CDH12: variants seen among roughly 807,000 people sequenced by gnomAD.
The protein encoded by CDH12 is cadherin-12.
In CDH12, 41 loss-of-function variants were observed where a neutral mutation model predicts 74.1. The ratio of observed to expected loss-of-function variants is 0.55; its 90% CI spans 0.43 to 0.72. The LOEUF is 0.72. Among genes scored for constraint, CDH12 ranks in the 30% least tolerant of loss-of-function variants. The pLI, the probability that CDH12 is intolerant of heterozygous loss-of-function variation, is 0.00. For missense variants in CDH12, 945 were observed against 977.2 expected (o/e 0.97, Z 0.44); for synonymous variants, 399 against 355.0 (o/e 1.12, Z -1.39).
intron 1 of CDH12, among the ~76,000 whole-genome samples, chr5:22,797,183 TA>T (rs58951425): frequency 0.047 from 4,033 of 86,250 alleles, 147 homozygotes; most frequent in African/African-American, 0.13. Context: ...AGTGCCTTTA[TA>T]AAAAAAAAAA....
intron 1 of CDH12, among the ~76,000 whole-genome samples, chr5:22,738,521 G>A (rs1744858966): frequency 6.6e-6 from 1 of 151,964 alleles, no homozygotes; most frequent in African/African-American, 2.4e-5. Flanking sequence ...TTGTATACAG[G>A]AGAAAATTCA....
At chr5:22,177,592 G>T (rs1055113158) in intron 4 of CDH12, among the ~76,000 whole-genome samples, 1 of 152,012 alleles carries the variant, frequency 6.6e-6, no homozygotes, top group African/African-American at 2.4e-5. Context: ...CTTTGAAACT[G>T]ATTAAAGCTG....
intron 3 of CDH12, among the ~76,000 whole-genome samples, chr5:22,235,840 C>T (rs1295932976): frequency 6.6e-6 from 1 of 152,160 alleles, no homozygotes; most frequent in Non-Finnish European, 1.5e-5. Context: ...TAGGCAATTT[C>T]TTCATTGGGT....
rs1248889628 is a variant in CDH12, at chr5:22,005,497, C to T, written c.232-30112G>A. On this transcript the variant is annotated intron_variant, in intron 5 of 14. Transcript: ENST00000382254. Reference sequence around the variant, plus strand: ...CCTTTTCCTTTGTGTAGATATACAGCAGTGGGTCAATCCCATTTTAAAATG... The same window carrying T: ...CCTTTTCCTTTGTGTAGATATACAGTAGTGGGTCAATCCCATTTTAAAATG... Among the ~76,000 whole-genome samples, 6 of 151,350 alleles carry T rather than the reference C, an allele frequency of 4.0e-5. 1 individual carries two copies. The highest frequency in any genetic ancestry group is 7.4e-5 in the Non-Finnish European group (5 of 67,872).
At chr5:22,307,623 A>T (rs924549407) in intron 3 of CDH12, among the ~76,000 whole-genome samples, 3 of 152,116 alleles carry the variant, frequency 2.0e-5, no homozygotes, top group African/African-American at 7.2e-5. Flanking sequence ...AATAATTCTA[A>T]TTTTATACCA....
chr5:21,935,412 C>T (rs1167381699), intron 6 of CDH12, among the ~76,000 whole-genome samples: 3 of 152,174 alleles, frequency 2.0e-5, no homozygotes, highest in Non-Finnish European at 2.9e-5. Context: ...CTTGTCTAAA[C>T]TAATGCACTT....
intron 3 of CDH12, among the ~76,000 whole-genome samples, chr5:22,366,149 G>T (rs578061333): frequency 1.3e-5 from 2 of 152,092 alleles, no homozygotes; most frequent in Admixed American, 6.6e-5. Flanking sequence ...AGTAGAGATG[G>T]GTTTTCACTG....
chr5:22,547,498 C>G (rs932033860), intron 1 of CDH12, among the ~76,000 whole-genome samples: 1 of 152,058 alleles, frequency 6.6e-6, no homozygotes, highest in Non-Finnish European at 1.5e-5. Context: ...CTAAACTATA[C>G]CATTTTCCTG....
intron 6 of CDH12, among the ~76,000 whole-genome samples, chr5:21,950,128 T>G (rs1343170082): frequency 6.6e-6 from 1 of 151,938 alleles, no homozygotes; most frequent in Non-Finnish European, 1.5e-5. Flanking sequence ...TTTACCATTG[T>G]GTTGCAAATG....
intron 1 of CDH12, among the ~76,000 whole-genome samples, chr5:22,643,104 G>T (rs564053890): frequency 1.3e-5 from 2 of 152,150 alleles, no homozygotes; most frequent in African/African-American, 4.8e-5. Context: ...GACTCTCCTA[G>T]CATTAAAATA....
chr5:22,100,652 G>GACACACAC (rs150777646), intron 4 of CDH12, among the ~76,000 whole-genome samples: 7,845 of 144,226 alleles, frequency 0.054, 265 homozygotes, highest in African/African-American at 0.083. Context: ...CCATACATTA[G>GACACACAC]ACACACACAC....
intron 2 of CDH12, among the ~76,000 whole-genome samples, chr5:22,464,107 C>T (rs977412058): frequency 6.6e-6 from 1 of 152,142 alleles, no homozygotes; most frequent in East Asian, 1.9e-4. Context: ...ATGAGTCTCA[C>T]AAGATCTGAT....
chr5:22,228,710 G>T (rs1300854503), intron 3 of CDH12, among the ~76,000 whole-genome samples: 1 of 152,050 alleles, frequency 6.6e-6, no homozygotes, highest in Non-Finnish European at 1.5e-5. Context: ...TAATTAGCCT[G>T]AATGTGCCCT....
At chr5:22,620,027 T>A (rs1173429546) in intron 1 of CDH12, among the ~76,000 whole-genome samples, 1 of 152,126 alleles carries the variant, frequency 6.6e-6, no homozygotes, top group African/African-American at 2.4e-5. Context: ...TCATTTTACC[T>A]CCAATGATAT....
chr5:22,051,229 A>G (rs1740339782), intron 5 of CDH12, among the ~76,000 whole-genome samples: 1 of 152,104 alleles, frequency 6.6e-6, no homozygotes, highest in African/African-American at 2.4e-5. Context: ...GATGTTATTT[A>G]AACTCTCCAA....
chr5:22,556,840 G>A (rs1238058296), intron 1 of CDH12, among the ~76,000 whole-genome samples: 1 of 151,992 alleles, frequency 6.6e-6, no homozygotes, highest in Non-Finnish European at 1.5e-5. Flanking sequence ...ACCCAGAAAT[G>A]TCTATCTCAA....
intron 3 of CDH12, among the ~76,000 whole-genome samples, chr5:22,376,683 A>ATTTT (rs34256665): frequency 8.6e-4 from 101 of 117,172 alleles, no homozygotes; most frequent in South Asian, 1.5e-3. Flanking sequence ...TGGTTGACTA[A>ATTTT]TTTTTTTTTT....
chr5:22,627,826 T>C (rs1561538169), intron 1 of CDH12, among the ~76,000 whole-genome samples: 1 of 152,114 alleles, frequency 6.6e-6, no homozygotes, highest in Non-Finnish European at 1.5e-5. Flanking sequence ...AACTGTATGT[T>C]GTCTTCAAGA....
At chr5:21,951,462 G>A (rs993794180) in intron 6 of CDH12, among the ~76,000 whole-genome samples, 28 of 151,994 alleles carry the variant, frequency 1.8e-4, no homozygotes, top group African/African-American at 6.3e-4. Flanking sequence ...TGGCCAGGCC[G>A]GTCACAAACT....
Sources: allele counts gnomAD v4.1 joint callset (sites outside exome capture counted in the v4.1 genomes callset), GRCh38; gene constraint gnomAD v4.1.1; transcripts MANE v1.5; gene names NCBI Gene and HGNC (gene_info 2026-07-23, HGNC 2026-07-21).